Variants in SLC35F4 observed in about 807,000 individuals in gnomAD.
The protein encoded by SLC35F4 is chromosome 14 open reading frame 36.
In SLC35F4, 24 loss-of-function variants were observed where a neutral mutation model predicts 44.2. The observed-to-expected ratio is 0.54, with a 90% confidence interval of 0.39 to 0.76. The LOEUF (loss-of-function observed/expected upper bound fraction) is 0.76. SLC35F4 is among the 30% of genes least tolerant of loss of function. The pLI is 0.00. For synonymous variants in SLC35F4, 238 were observed against 223.6 expected (o/e 1.06, Z -0.57); for missense variants, 562 against 586.1 (o/e 0.96, Z 0.42).
chr14:57,714,140 G>A (rs1455946737), intron 1 of SLC35F4, among the ~76,000 whole-genome samples: 1 of 152,136 alleles, frequency 6.6e-6, no homozygotes, highest in Non-Finnish European at 1.5e-5. Context: ...GAATCAAAGA[G>A]TATAAGAAAA....
intron 1 of SLC35F4, among the ~76,000 whole-genome samples, chr14:57,891,103 T>C (rs966158687): frequency 2.6e-5 from 4 of 152,226 alleles, no homozygotes; most frequent in African/African-American, 9.6e-5. Context: ...TTCCAGATTA[T>C]GGATTTCTTT....
intron 1 of SLC35F4, among the ~76,000 whole-genome samples, chr14:57,606,833 A>G (rs1224507375): frequency 1.3e-5 from 2 of 152,238 alleles, no homozygotes; most frequent in Non-Finnish European, 2.9e-5. Flanking sequence ...AGGCAGTCTC[A>G]TAATCCATTA....
intron 1 of SLC35F4, among the ~76,000 whole-genome samples, chr14:57,622,827 TAAAA>T (rs1042001083): frequency 2.1e-4 from 32 of 151,028 alleles, no homozygotes; most frequent in African/African-American, 6.3e-4. Context: ...AATAAAAAAA[TAAAA>T]AATAAAAATA....
chr14:57,662,785 C>T (rs759653374), intron 1 of SLC35F4, among the ~76,000 whole-genome samples: 1 of 152,210 alleles, frequency 6.6e-6, no homozygotes, highest in Non-Finnish European at 1.5e-5. Flanking sequence ...CCCCTTTACA[C>T]TCATTCTCCA....
chr14:57,595,278 A>AT (rs2070424856), intron 1 of SLC35F4, among the ~76,000 whole-genome samples: 1 of 152,118 alleles, frequency 6.6e-6, no homozygotes, highest in South Asian at 2.1e-4. Context: ...TGGCTCATGG[A>AT]TTTTTCAGGA....
exon 1 of SLC35F4, chr14:57,982,024 T>C (rs1389916304): frequency 1.3e-5 from 2 of 152,054 alleles, no homozygotes; most frequent in African/African-American, 4.8e-5. Context: ...TCATTCTGAG[T>C]CCTTAATTAG....
At chr14:57,588,561 T>A (rs916392882) in intron 3 of SLC35F4, among the ~76,000 whole-genome samples, 2 of 152,170 alleles carry the variant, frequency 1.3e-5, no homozygotes, top group African/African-American at 2.4e-5. Flanking sequence ...AGAAGCCAGA[T>A]TTAGTACAGA....
chr14:57,595,859 TC>T (rs1020560481), intron 1 of SLC35F4: 1 of 152,238 alleles, frequency 6.6e-6, no homozygotes, highest in Non-Finnish European at 1.5e-5. Context: ...TCCAAGCATT[TC>T]TATTTCTTCT....
At chr14:57,596,974 T>C (rs2139949294) in intron 1 of SLC35F4, 1 of 1,006,640 alleles carries the variant, frequency 9.9e-7, no homozygotes, top group Non-Finnish European at 1.4e-6. Context: ...TATTCAGGGG[T>C]TGGGCCATGA....
intron 1 of SLC35F4, among the ~76,000 whole-genome samples, chr14:57,627,427 T>C (rs2072530293): frequency 6.6e-6 from 1 of 152,138 alleles, no homozygotes; most frequent in African/African-American, 2.4e-5. Context: ...AGCAAAGACA[T>C]TTATTCCTTG....
At chr14:57,690,026 C>T (rs2075183356) in intron 1 of SLC35F4, among the ~76,000 whole-genome samples, 2 of 152,124 alleles carry the variant, frequency 1.3e-5, no homozygotes, top group African/African-American at 4.8e-5. Context: ...TAAATCTTTG[C>T]ACACTCTCTC....
chr14:57,652,549 ACTG>A (rs1407370480), intron 1 of SLC35F4, among the ~76,000 whole-genome samples: 4 of 152,180 alleles, frequency 2.6e-5, no homozygotes, highest in Non-Finnish European at 5.9e-5. Context: ...GGTTGTCATA[ACTG>A]GGAGGTGGGT....
intron 1 of SLC35F4, among the ~76,000 whole-genome samples, chr14:57,841,226 C>A (rs922103766): frequency 6.6e-6 from 1 of 152,108 alleles, no homozygotes; most frequent in African/African-American, 2.4e-5. Flanking sequence ...GGATTTTGAG[C>A]CCCAGGTGAT....
chr14:57,583,409 A>C (rs1002430293), intron 3 of SLC35F4, among the ~76,000 whole-genome samples: 1 of 152,184 alleles, frequency 6.6e-6, no homozygotes, highest in Admixed American at 6.5e-5. Flanking sequence ...AACCACAACA[A>C]AACCCATTCC....
At chr14:57,862,165 C>CA (rs1887736028) in intron 1 of SLC35F4, among the ~76,000 whole-genome samples, 1 of 152,086 alleles carries the variant, frequency 6.6e-6, no homozygotes. Flanking sequence ...AAGATGCAGT[C>CA]ATTTTTTACT....
At chr14:57,638,745 G>A (rs940758683) in intron 1 of SLC35F4, among the ~76,000 whole-genome samples, 1 of 152,058 alleles carries the variant, frequency 6.6e-6, no homozygotes, top group South Asian at 2.1e-4. Context: ...GGGAACAGAT[G>A]TTACTCTTAT....
intron 1 of SLC35F4, among the ~76,000 whole-genome samples, chr14:57,796,643 T>C (rs2078060269): frequency 6.6e-6 from 1 of 152,214 alleles, no homozygotes; most frequent in South Asian, 2.1e-4. Flanking sequence ...GTTCTTCCTC[T>C]TAAAAACATT....
intron 1 of SLC35F4, among the ~76,000 whole-genome samples, chr14:57,917,328 G>A (rs1889348919): frequency 6.6e-6 from 1 of 152,058 alleles, no homozygotes; most frequent in Admixed American, 6.6e-5. Flanking sequence ...CAAAGTGCTG[G>A]GATTACAGGC....
chr14:57,718,816 C>T (rs2076008549), intron 1 of SLC35F4, among the ~76,000 whole-genome samples: 1 of 152,014 alleles, frequency 6.6e-6, no homozygotes, highest in Admixed American at 6.6e-5. Context: ...TTGATTGTTT[C>T]CTTTGCTGTA....
Sources: allele counts gnomAD v4.1 joint callset (sites outside exome capture counted in the v4.1 genomes callset), GRCh38; gene constraint gnomAD v4.1.1; transcripts MANE v1.5; gene names NCBI Gene and HGNC (gene_info 2026-07-23, HGNC 2026-07-21).